PRTG: variants seen among roughly 807,000 people sequenced by gnomAD.
PRTG encodes protogenin.
A neutral mutation model predicts 122.5 loss-of-function variants in PRTG; 67 were observed. The ratio of observed to expected loss-of-function variants is 0.55; its 90% confidence interval spans 0.45 to 0.67. The LOEUF is 0.67. Among genes scored for constraint, PRTG ranks in the 30% least tolerant of loss-of-function variants. PRTG has a pLI of 0.00. For missense variants in PRTG, 1,435 were observed against 1,415.4 expected, an observed-to-expected ratio of 1.01 and a Z score of -0.22; for synonymous variants, 554 against 501.1, an observed-to-expected ratio of 1.11 and a Z score of -1.41.
At chr15:55,668,051 G>A (rs1317511378) in intron 11 of PRTG, among the ~76,000 whole-genome samples, 1 of 152,196 alleles carries the variant, frequency 6.6e-6, no homozygotes. Flanking sequence ...TGGCACCACT[G>A]CACTCCAGGC....
chr15:55,733,537 T>TAAAAAAAAAA (rs2031309444), intron 2 of PRTG, among the ~76,000 whole-genome samples: 1 of 112,580 alleles, frequency 8.9e-6, no homozygotes, highest in African/African-American at 3.5e-5. Flanking sequence ...AAAAAAAAAG[T>TAAAAAAAAAA]AAACGGAGCC....
intron 2 of PRTG, among the ~76,000 whole-genome samples, chr15:55,721,386 C>T (rs914636575): frequency 3.9e-5 from 6 of 152,158 alleles, no homozygotes; most frequent in Non-Finnish European, 7.3e-5. Flanking sequence ...ATTCCAGGTT[C>T]GTTAACATGG....
At chr15:55,650,298 G>A (rs1270894495) in intron 11 of PRTG, among the ~76,000 whole-genome samples, 1 of 152,200 alleles carries the variant, frequency 6.6e-6, no homozygotes, top group Non-Finnish European at 1.5e-5. Context: ...CTGCAAAAGA[G>A]ATGTGTTAAA....
At position 55,624,468 on chromosome 15, in the gene PRTG, T is replaced by G. The variant is rs773612133; in HGVS notation, c.2967A>C (p.Gln989His). ...SASKTAQNGT[Q>H]QLPRTSASLA... Reference sequence around the variant, plus strand: ...AGGAGGCACTGGTACGAGGTAACTGTTGAGTTCCATTCTGTGCCGTCTTGG... The same window carrying G: ...AGGAGGCACTGGTACGAGGTAACTGGTGAGTTCCATTCTGTGCCGTCTTGG... The change falls in exon 18 of 20, where the codon CAA (glutamine) becomes CAC (histidine). Residue 989 changes from glutamine to histidine, a missense_variant. Gln to His is a conservative substitution (Grantham distance 24). Coordinates refer to ENST00000389286, the MANE Select transcript of PRTG (RefSeq NM_173814.6). 1.2e-6 allele frequency: 2 copies of G among 1,613,914 alleles called. No homozygotes were observed. The highest frequency in any genetic ancestry group is 2.7e-5 in the African/African-American group (2 of 74,932).
intron 2 of PRTG, among the ~76,000 whole-genome samples, chr15:55,737,268 G>A (rs754616714): frequency 4.6e-5 from 7 of 152,156 alleles, no homozygotes; most frequent in South Asian, 2.1e-4. Flanking sequence ...ATGTAAGGCC[G>A]CTAACACGGC....
intron 2 of PRTG, among the ~76,000 whole-genome samples, chr15:55,684,691 T>G (rs2059560465): frequency 2.4e-5 from 1 of 41,736 alleles, no homozygotes; most frequent in Non-Finnish European, 5.9e-5. Context: ...ATTACAGAAC[T>G]GGGTGGTGGC....
intron 2 of PRTG, among the ~76,000 whole-genome samples, chr15:55,686,899 C>A (rs892922833): frequency 6.6e-6 from 1 of 152,220 alleles, no homozygotes; most frequent in East Asian, 1.9e-4. Flanking sequence ...CTTATCCCAT[C>A]CTTTGGGAAG....
At chr15:55,726,200 G>T (rs557018559) in intron 2 of PRTG, among the ~76,000 whole-genome samples, 1 of 151,986 alleles carries the variant, frequency 6.6e-6, no homozygotes, top group Non-Finnish European at 1.5e-5. Flanking sequence ...CCAGCCTCCC[G>T]AAGTGCTGAG....
At chr15:55,689,997 T>C (rs944426091) in intron 2 of PRTG, among the ~76,000 whole-genome samples, 3 of 151,878 alleles carry the variant, frequency 2.0e-5, no homozygotes, top group East Asian at 3.9e-4. Context: ...CAACATGCGA[T>C]AGTATTTAAA....
At chr15:55,708,905 G>A (rs1376028882) in intron 2 of PRTG, among the ~76,000 whole-genome samples, 2 of 152,052 alleles carry the variant, frequency 1.3e-5, no homozygotes, top group African/African-American at 4.8e-5. Flanking sequence ...AGCACTTTGG[G>A]AGTCCGAGGC....
chr15:55,680,881 C>G (rs2059534206), intron 4 of PRTG, among the ~76,000 whole-genome samples: 1 of 152,164 alleles, frequency 6.6e-6, no homozygotes, highest in South Asian at 2.1e-4. Context: ...AATCCCAAAC[C>G]CATTAGCAGT....
chr15:55,623,521 G>A lies in PRTG; in HGVS notation c.3093+821C>T, dbSNP rs1048609878. Reference sequence around the variant, plus strand: ...GTGGAGGTCACAGTGAGCCGAGATCGTACCACTGCACTCCAGCCTGGGCAA... The same window carrying A: ...GTGGAGGTCACAGTGAGCCGAGATCATACCACTGCACTCCAGCCTGGGCAA... On this transcript the variant is annotated intron_variant, in intron 18 of 19. Transcript: ENST00000389286. Among the ~76,000 whole-genome samples the A allele has an allele frequency of 9.2e-5, 14 of 151,970 alleles. No individual in the cohort carries two copies. The South Asian group carries it at 1.0e-3, about 11-fold the overall frequency.
chr15:55,642,045 G>A (rs895270145), intron 11 of PRTG, among the ~76,000 whole-genome samples: 3 of 150,334 alleles, frequency 2.0e-5, no homozygotes, highest in African/African-American at 7.4e-5. Context: ...GCAGTGGCGG[G>A]CGCCTGTAGT....
chr15:55,673,258 G>A, intron 10 of PRTG, 113 bp downstream of exon 10: 2 of 798,424 alleles, frequency 2.5e-6, no homozygotes, highest in Non-Finnish European at 3.9e-6. Flanking sequence ...CATCATCTAT[G>A]GAATATTTTT....
At chr15:55,634,346 G>T (rs1387168043) in intron 15 of PRTG, among the ~76,000 whole-genome samples, 1 of 152,094 alleles carries the variant, frequency 6.6e-6, no homozygotes, top group Non-Finnish European at 1.5e-5. Flanking sequence ...GGGATTACAG[G>T]CGTGAGCCAC....
Position 55,672,530 on chromosome 15 carries a change from C to T in PRTG, c.1956G>A (p.Lys652=). The T allele has an allele frequency of 6.2e-7, 1 of 1,614,138 alleles. No individual in the cohort carries two copies. Among genetic ancestry groups the T allele is most frequent in the Non-Finnish European group, 8.5e-7 (1 of 1,180,000 alleles). Residue 652 remains lysine (K), a synonymous_variant, in exon 11 of 20, where the codon AAG becomes AAA. Transcript: ENST00000389286. ...GCTGCCCTTCTTCCTTGTAGTACAG[C>T]TTGTAGCCCTGAATAGCAGCTGTGT... is the stretch of plus-strand genomic sequence containing the variant. ...VEDTAAIQGY[K]LYYKEEGQQE...
chr15:55,706,132 T>C (rs2030104056), intron 2 of PRTG, among the ~76,000 whole-genome samples: 1 of 151,470 alleles, frequency 6.6e-6, no homozygotes, highest in Non-Finnish European at 1.5e-5. Flanking sequence ...AGTGTTGGGA[T>C]TACAGGCGTG....
At chr15:55,727,232 T>C (rs1458243570) in intron 2 of PRTG, among the ~76,000 whole-genome samples, 2 of 151,690 alleles carry the variant, frequency 1.3e-5, no homozygotes, top group African/African-American at 2.4e-5. Flanking sequence ...TGTTCATTTT[T>C]GAATAGATGA....
At chr15:55,711,691 C>T (rs1175589136) in intron 2 of PRTG, among the ~76,000 whole-genome samples, 2 of 151,936 alleles carry the variant, frequency 1.3e-5, no homozygotes, top group Non-Finnish European at 2.9e-5. Context: ...CACCAGCAAG[C>T]CTATCAGCTG....
Sources: gnomAD v4.1 joint callset for allele counts (sites outside exome capture counted in the v4.1 genomes callset) on GRCh38, gnomAD v4.1.1 for gene constraint, MANE v1.5 for transcripts, NCBI Gene and HGNC (gene_info 2026-07-23, HGNC 2026-07-21) for gene names.